Variants in PDE3B observed in about 807,000 individuals in gnomAD.
The protein encoded by PDE3B is cGMP-inhibited 3',5'-cyclic phosphodiesterase 3B.
PDE3B carries 66 observed loss-of-function variants against 116.8 expected under a neutral mutation model. The observed-to-expected ratio is 0.56, with a 90% confidence interval of 0.46 to 0.69. PDE3B has a LOEUF of 0.69. Ranked by LOEUF, PDE3B falls within the 30% of genes least tolerant of loss-of-function variation. The pLI is 0.00. For synonymous variants in PDE3B, 595 were observed against 533.6 expected, an observed-to-expected ratio of 1.12 and a Z score of -1.59; for missense variants, 1,384 against 1,368.1, an observed-to-expected ratio of 1.01 and a Z score of -0.18.
chr11:14,767,740 A>G (rs1304072958), intron 1 of PDE3B, among the ~76,000 whole-genome samples: 1 of 151,472 alleles, frequency 6.6e-6, no homozygotes, highest in Non-Finnish European at 1.5e-5. Context: ...GTTCACAATT[A>G]TGAAATATAT....
In PDE3B at chr11:14,869,380, A is replaced by G. The variant is rs556638781; in HGVS notation, c.3140-81A>G. Reference sequence around the variant, plus strand: ...ACTTTTATACTCCCAGTGCTTAGATACCTAGAATAGGCACTTAATATTTGT... The same window carrying G: ...ACTTTTATACTCCCAGTGCTTAGATGCCTAGAATAGGCACTTAATATTTGT... On this transcript the variant is annotated intron_variant, in intron 15 of 15. Coordinates refer to ENST00000282096, the MANE Select transcript of PDE3B (RefSeq NM_000922.4). The G allele has an allele frequency of 6.6e-5, 72 of 1,094,972 alleles. No homozygotes were observed. In the East Asian group the frequency reaches 1.7e-3, roughly 26 times the overall value. 67.8% of individuals were successfully genotyped at this position (1,094,972 alleles called of 1,614,324 possible). A position where few individuals can be genotyped will look rare whatever the true frequency, so the allele number is the denominator to read the frequency against.
intron 12 of PDE3B, among the ~76,000 whole-genome samples, chr11:14,855,852 G>T (rs1457595013): frequency 6.6e-6 from 1 of 152,200 alleles, no homozygotes; most frequent in African/African-American, 2.4e-5. Flanking sequence ...AAAATAATGA[G>T]ATTCTCAGAT....
intron 1 of PDE3B, among the ~76,000 whole-genome samples, chr11:14,648,674 G>A (rs779814754): frequency 2.0e-5 from 3 of 151,934 alleles, no homozygotes; most frequent in African/African-American, 7.3e-5. Context: ...ATCTCTTATG[G>A]CTTTTCATTG....
chr11:14,778,139 G>A (rs1282338224), intron 2 of PDE3B, among the ~76,000 whole-genome samples: 1 of 152,204 alleles, frequency 6.6e-6, no homozygotes, highest in Non-Finnish European at 1.5e-5. Flanking sequence ...CCATTGCTGA[G>A]GCTTGAGTAG....
At chr11:14,660,457 A>G (rs1254981700) in intron 1 of PDE3B, among the ~76,000 whole-genome samples, 3 of 151,432 alleles carry the variant, frequency 2.0e-5, no homozygotes, top group Admixed American at 6.6e-5. Flanking sequence ...ACGTGCCACC[A>G]TTCCTGGCTA....
chr11:14,665,533 C>T (rs1449579017), intron 1 of PDE3B, among the ~76,000 whole-genome samples: 2 of 152,124 alleles, frequency 1.3e-5, no homozygotes, highest in East Asian at 1.9e-4. Flanking sequence ...TGTCTCAGCC[C>T]AAAATCTCCT....
At chr11:14,806,972 A>C (rs1858953344) in intron 5 of PDE3B, among the ~76,000 whole-genome samples, 1 of 152,218 alleles carries the variant, frequency 6.6e-6, no homozygotes, top group Non-Finnish European at 1.5e-5. Flanking sequence ...GACGTGGATG[A>C]AGCTGGAAAC....
chr11:14,847,002 T>A (rs1847620817), intron 12 of PDE3B, among the ~76,000 whole-genome samples: 1 of 152,124 alleles, frequency 6.6e-6, no homozygotes, highest in Non-Finnish European at 1.5e-5. Context: ...AATAGACATC[T>A]ACAGAACTCT....
chr11:14,854,660 G>A (rs1392455365), intron 12 of PDE3B, among the ~76,000 whole-genome samples: 7 of 152,052 alleles, frequency 4.6e-5, no homozygotes, highest in Non-Finnish European at 8.8e-5. Context: ...GAGACTACAG[G>A]GGCATGCCAC....
chr11:14,744,028 A>T (rs1020829535), intron 1 of PDE3B, among the ~76,000 whole-genome samples: 1 of 152,204 alleles, frequency 6.6e-6, no homozygotes, highest in Non-Finnish European at 1.5e-5. Context: ...AGCCACTATC[A>T]AAGAGATTAG....
intron 1 of PDE3B, among the ~76,000 whole-genome samples, chr11:14,668,475 T>G (rs1252120410): frequency 6.6e-6 from 1 of 152,198 alleles, no homozygotes; most frequent in Non-Finnish European, 1.5e-5. Context: ...CTATATTTTT[T>G]AATGAATACA....
intron 1 of PDE3B, among the ~76,000 whole-genome samples, chr11:14,653,101 A>G (rs1270935368): frequency 6.6e-6 from 1 of 152,146 alleles, no homozygotes; most frequent in Non-Finnish European, 1.5e-5. Flanking sequence ...ACTCTATGCA[A>G]CTGATTTGTA....
chr11:14,756,566 T>C (rs925776835), intron 1 of PDE3B, among the ~76,000 whole-genome samples: 2 of 152,060 alleles, frequency 1.3e-5, no homozygotes, highest in Non-Finnish European at 2.9e-5. Flanking sequence ...GTAGTCCTAA[T>C]CCTGCCAAAA....
At chr11:14,854,479 A>C (rs550286071) in intron 12 of PDE3B, among the ~76,000 whole-genome samples, 1 of 152,180 alleles carries the variant, frequency 6.6e-6, no homozygotes, top group African/African-American at 2.4e-5. Context: ...CCACAATAAA[A>C]CATACATAAC....
rs2134000695 is a variant in PDE3B at position 14,872,036 on chromosome 11, T to C, written c.*2376T>C. On this transcript the variant is annotated 3_prime_UTR_variant, in exon 16 of 16. Coordinates refer to ENST00000282096, the MANE Select transcript of PDE3B (RefSeq NM_000922.4). ...ACATTTTTCTCCATAAAAGTACTTT[T>C]AAAAATTACTTCATGATTTGAAAGC... 6.6e-6 allele frequency: 1 copy of C among 152,344 alleles called. No individual in the cohort carries two copies. The highest frequency in any genetic ancestry group is 2.4e-5 in the African/African-American group (1 of 41,596). The allele number at this position is 152,344 out of a possible 1,614,324, so 9.4% of individuals were successfully genotyped here.
intron 1 of PDE3B, among the ~76,000 whole-genome samples, chr11:14,685,896 T>A (rs964261351): frequency 1.3e-5 from 2 of 152,214 alleles, no homozygotes; most frequent in African/African-American, 4.8e-5. Flanking sequence ...GAGTTTTGGC[T>A]GTGAAACAGG....
At chr11:14,685,532 T>A (rs1335431914) in intron 1 of PDE3B, among the ~76,000 whole-genome samples, 1 of 142,070 alleles carries the variant, frequency 7.0e-6, no homozygotes, top group Non-Finnish European at 1.5e-5. Flanking sequence ...CTCGGCTCCC[T>A]GAAACCTCCA....
intron 1 of PDE3B, among the ~76,000 whole-genome samples, chr11:14,648,219 G>C (rs780173817): frequency 2.0e-5 from 3 of 152,018 alleles, no homozygotes; most frequent in Non-Finnish European, 4.4e-5. Context: ...ACAAGGTTTT[G>C]AAAGGCATAA....
intron 11 of PDE3B, among the ~76,000 whole-genome samples, chr11:14,840,899 G>C (rs1172268255): frequency 6.6e-6 from 1 of 152,108 alleles, no homozygotes; most frequent in African/African-American, 2.4e-5. Context: ...TAGTTAGGGG[G>C]TTTATGGCTA....
Sources: allele counts gnomAD v4.1 joint callset (sites outside exome capture counted in the v4.1 genomes callset), GRCh38; gene constraint gnomAD v4.1.1; transcripts MANE v1.5; gene names NCBI Gene and HGNC (gene_info 2026-07-23, HGNC 2026-07-21).